AP1B1: variants seen among roughly 807,000 people sequenced by gnomAD.
AP1B1 encodes the protein adaptor related protein complex 1 subunit beta 1.
In AP1B1, 36 loss-of-function variants were observed where a neutral mutation model predicts 104.3. That is an observed-to-expected ratio of 0.35 (90% CI 0.26 to 0.46). The LOEUF is 0.46. Ranked by LOEUF, AP1B1 falls within the 20% of genes least tolerant of loss-of-function variation. The pLI, the probability that AP1B1 is intolerant of heterozygous loss-of-function variation, is 1.00. For missense variants in AP1B1, 901 were observed against 1,247.9 expected, an observed-to-expected ratio of 0.72 and a Z score of 4.19; for synonymous variants, 504 against 517.5, an observed-to-expected ratio of 0.97 and a Z score of 0.35.
chr22:29,360,835 A>G (rs1487038522), intron 3 of AP1B1, among the ~76,000 whole-genome samples: 255 of 151,824 alleles, frequency 1.7e-3, no homozygotes, highest in Non-Finnish European at 6.3e-4. Context: ...TCTATCTCTG[A>G]AATCATCATA....
intron 7 of AP1B1, among the ~76,000 whole-genome samples, chr22:29,352,052 C>T (rs917151284): frequency 3.3e-5 from 5 of 152,184 alleles, no homozygotes; most frequent in African/African-American, 7.2e-5. Context: ...GGAAGGGAGA[C>T]GGAGGGCAGT....
At chr22:29,345,416 G>C (rs2061777432) in intron 11 of AP1B1, among the ~76,000 whole-genome samples, 1 of 143,596 alleles carries the variant, frequency 7.0e-6, no homozygotes, top group Non-Finnish European at 1.5e-5. Flanking sequence ...CTGTTGCCCA[G>C]GCTGGAGTGC....
chr22:29,330,372 T>C lies in AP1B1; in HGVS notation c.2766+6A>G, dbSNP rs1460728272. 2 of 1,612,838 alleles carry C rather than the reference T, an allele frequency of 1.2e-6. No individual in the cohort carries two copies. Among genetic ancestry groups the C allele is most frequent in the African/African-American group, 2.7e-5 (2 of 74,938 alleles). On this transcript the variant is annotated splice_donor_region_variant and intron_variant, in intron 21 of 22. Coordinates refer to ENST00000357586, the MANE Select transcript of AP1B1 (RefSeq NM_001127.4). ...AAGGCTGCAGGGCGGGTGCCGGGGCTCTCACCGTGCAGCTGGGGTTGCCCG... is the reference window on the plus strand; with the variant it reads ...AAGGCTGCAGGGCGGGTGCCGGGGCCCTCACCGTGCAGCTGGGGTTGCCCG...
chr22:29,342,868 C>T (rs747557512), intron 11 of AP1B1, among the ~76,000 whole-genome samples: 11 of 152,322 alleles, frequency 7.2e-5, no homozygotes, highest in African/African-American at 1.7e-4. Flanking sequence ...GGCCCTCCAC[C>T]GGCCCCTGCC....
At chr22:29,339,720 A>T (rs747426855) in intron 15 of AP1B1, 34 bp downstream of exon 15, 5 of 1,608,022 alleles carry the variant, frequency 3.1e-6, no homozygotes, top group Non-Finnish European at 4.2e-6. Context: ...AGGAGCAAGG[A>T]CGAAGGCTTG....
At chr22:29,353,232 G>A (rs1407928419) in intron 7 of AP1B1, among the ~76,000 whole-genome samples, 1 of 152,176 alleles carries the variant, frequency 6.6e-6, no homozygotes, top group African/African-American at 2.4e-5. Flanking sequence ...AGAGAGAAAG[G>A]AGAAAACTGG....
intron 9 of AP1B1, among the ~76,000 whole-genome samples, chr22:29,350,617 C>T (rs984149064): frequency 3.3e-5 from 5 of 152,146 alleles, no homozygotes; most frequent in African/African-American, 4.8e-5. Flanking sequence ...AGGGTGAGCA[C>T]GCCTCAAGGG....
chr22:29,334,119 C>G, intron 17 of AP1B1, 146 bp downstream of exon 17: 1 of 911,466 alleles, frequency 1.1e-6, no homozygotes, highest in Non-Finnish European at 1.6e-6. Context: ...TTGGCCTGAG[C>G]GGTGGTGGGG....
At chr22:29,355,787 C>T (rs765017532) in intron 6 of AP1B1, among the ~76,000 whole-genome samples, 11 of 150,756 alleles carry the variant, frequency 7.3e-5, no homozygotes, top group Non-Finnish European at 1.3e-4. Flanking sequence ...GTAGTCCCAG[C>T]TACCTGGGAG....
At chr22:29,353,059 G>C (rs1322628136) in intron 7 of AP1B1, among the ~76,000 whole-genome samples, 1 of 152,186 alleles carries the variant, frequency 6.6e-6, no homozygotes, top group Non-Finnish European at 1.5e-5. Context: ...GGAAACTTCA[G>C]AGAGGGTGAG....
chr22:29,329,208 C>T (rs2061520571), intron 22 of AP1B1: 13 of 1,222,574 alleles, frequency 1.1e-5, no homozygotes, highest in East Asian at 4.4e-5. Flanking sequence ...GAGGGCTGCC[C>T]GGCCCCCCAG....
intron 1 of AP1B1, among the ~76,000 whole-genome samples, chr22:29,376,581 G>A (rs2062345737): frequency 6.6e-6 from 1 of 152,082 alleles, no homozygotes. Flanking sequence ...CTTCCCTAAT[G>A]AATGAATAGC....
At chr22:29,340,946 G>T in intron 13 of AP1B1, 89 bp from the exon 14 acceptor site, 1 of 1,330,252 alleles carries the variant, frequency 7.5e-7, no homozygotes, top group African/African-American at 1.5e-5. Context: ...TGTCCCCCAG[G>T]ACAGGCACTG....
At chr22:29,329,298 T>G in intron 22 of AP1B1, 1 of 1,164,774 alleles carries the variant, frequency 8.6e-7, no homozygotes, top group South Asian at 2.4e-5. Context: ...GGAGGGAGCC[T>G]GGAGGGGTGC....
At chr22:29,366,167 C>T (rs2148018854) in intron 2 of AP1B1, among the ~76,000 whole-genome samples, 1 of 152,228 alleles carries the variant, frequency 6.6e-6, no homozygotes, top group African/African-American at 2.4e-5. Context: ...ATTTGTCAGC[C>T]ACGACGACAT....
intron 1 of AP1B1, among the ~76,000 whole-genome samples, chr22:29,386,587 G>A (rs1215051667): frequency 6.6e-6 from 1 of 152,138 alleles, no homozygotes; most frequent in Non-Finnish European, 1.5e-5. Flanking sequence ...GGAAGGATGG[G>A]AATATAAGGT....
intron 1 of AP1B1, among the ~76,000 whole-genome samples, chr22:29,372,509 C>G (rs1191624566): frequency 6.6e-6 from 1 of 151,216 alleles, no homozygotes; most frequent in African/African-American, 2.4e-5. Flanking sequence ...CTTATGTTTT[C>G]TAGATGTATA....
At chr22:29,334,526 A>G (rs1329988808) in intron 16 of AP1B1, 116 bp from the exon 17 acceptor site, 4 of 1,169,006 alleles carry the variant, frequency 3.4e-6, no homozygotes, top group Admixed American at 3.0e-5. Flanking sequence ...TCCCAGATCC[A>G]GCACCCCCAC....
chr22:29,351,579 G>A, intron 8 of AP1B1, 126 bp downstream of exon 8: 1 of 1,315,910 alleles, frequency 7.6e-7, no homozygotes, highest in Non-Finnish European at 1.0e-6. Context: ...CATGTCCCAT[G>A]CTAAACACTC....
Sources: allele counts gnomAD v4.1 joint callset (sites outside exome capture counted in the v4.1 genomes callset), GRCh38; gene constraint gnomAD v4.1.1; transcripts MANE v1.5; gene names NCBI Gene and HGNC (gene_info 2026-07-23, HGNC 2026-07-21).